BCR: variants seen among roughly 807,000 people sequenced by gnomAD.
BCR encodes the protein breakpoint cluster region protein.
A neutral mutation model predicts 138.6 loss-of-function variants in BCR; 58 were observed. The observed-to-expected ratio is 0.42, with a 90% CI of 0.34 to 0.52. BCR has a LOEUF of 0.52. Among genes scored for constraint, BCR ranks in the 20% least tolerant of loss-of-function variants. BCR has a pLI of 0.06. For synonymous variants in BCR, 786 were observed against 730.1 expected (o/e 1.08, Z -1.23); for missense variants, 1,599 against 1,727.2 (o/e 0.93, Z 1.32).
Position 23,314,642 on chromosome 22 carries a change from G to A in BCR, c.3654G>A (p.Glu1218=). Residue 1218 remains glutamate (E), a synonymous_variant, in exon 22 of 23, where the codon GAG becomes GAA. Transcript: ENST00000305877. ...CGCTGCTCCGGCCCTCCGAGAAGGAGAGCAAGCTCCCTGCCAACCCCAGCC... is the reference window on the plus strand; with the variant it reads ...CGCTGCTCCGGCCCTCCGAGAAGGAAAGCAAGCTCCCTGCCAACCCCAGCC... The part of the protein sequence containing the change: ...GPTLLRPSEK[E]SKLPANPSQP... The A allele has an allele frequency of 6.2e-7, 1 of 1,611,922 alleles. No individual in the cohort carries two copies. The highest frequency in any genetic ancestry group is 8.5e-7 in the Non-Finnish European group (1 of 1,179,848).
At chr22:23,265,849 TCA>T (rs2146281709) in intron 4 of BCR, among the ~76,000 whole-genome samples, 1 of 152,272 alleles carries the variant, frequency 6.6e-6, no homozygotes, top group South Asian at 2.1e-4. Context: ...TTCCTATAAC[TCA>T]CAGTAGAATT....
chr22:23,232,680 A>G (rs961262658), intron 1 of BCR, among the ~76,000 whole-genome samples: 1 of 152,192 alleles, frequency 6.6e-6, no homozygotes, highest in Non-Finnish European at 1.5e-5. Flanking sequence ...CAGCGAGCCT[A>G]CCTGCTGCAC....
chr22:23,289,887 C>T (rs141358067), intron 13 of BCR: 234 of 546,224 alleles, frequency 4.3e-4, no homozygotes, highest in African/African-American at 4.2e-3. Context: ...GCAGACGCTC[C>T]TCAGATGCTC....
chr22:23,294,375 C>T (rs950631677), intron 15 of BCR, among the ~76,000 whole-genome samples: 1 of 152,186 alleles, frequency 6.6e-6, no homozygotes, highest in African/African-American at 2.4e-5. Context: ...GAACCTGCAT[C>T]GACAGATCAT....
chr22:23,268,374 C>A, intron 4 of BCR, 34 bp from the exon 5 acceptor site: 2 of 1,533,472 alleles, frequency 1.3e-6, no homozygotes, highest in South Asian at 1.2e-5. Flanking sequence ...AGCAGCAGCA[C>A]CTGTCCCACT....
At chr22:23,252,011 G>C in intron 1 of BCR, among the ~76,000 whole-genome samples, 1 of 152,226 alleles carries the variant, frequency 6.6e-6, no homozygotes, top group Middle Eastern at 3.2e-3. Context: ...GGGAGGAAGG[G>C]AGTGATTATC....
rs9620233 is a variant in BCR at position 23,272,548 on chromosome 22, G to A, written c.1922-533G>A. Among the ~76,000 whole-genome samples, 255 of 152,238 alleles carry A rather than the reference G, an allele frequency of 1.7e-3. 1 individual carries two copies. The highest frequency in any genetic ancestry group is 3.5e-3 in the South Asian group (17 of 4,824). ...CAGGGAGTTGCTCCCACTGCAGTGG[G>A]GCTCATGTGCCTCTGGAGTCCGGGT... On this transcript the variant is annotated intron_variant, in intron 6 of 22. Coordinates refer to ENST00000305877, the MANE Select transcript of BCR (RefSeq NM_004327.4).
In BCR at chr22:23,238,155, C is replaced by T. The variant is rs1236323662; in HGVS notation, c.1280-15644C>T. On this transcript the variant is annotated intron_variant, in intron 1 of 22. Transcript: ENST00000305877. ...AGGCCCCTGGGCCCTCTGGTCATCC[C>T]GGTCATCCTGGTTGGTTTATTGTCT... 4.6e-5 allele frequency among the ~76,000 whole-genome samples: 7 copies of T among 152,028 alleles called. No individual in the cohort carries two copies. The South Asian group carries it at 8.3e-4, about 18-fold the overall frequency.
intron 2 of BCR, among the ~76,000 whole-genome samples, chr22:23,257,946 C>T (rs2073312584): frequency 6.6e-6 from 1 of 152,198 alleles, no homozygotes; most frequent in Admixed American, 6.5e-5. Context: ...TAATTGAGCA[C>T]CTGGGTGTTC....
chr22:23,310,749 G>A (rs1288839719), intron 18 of BCR, among the ~76,000 whole-genome samples: 1 of 152,162 alleles, frequency 6.6e-6, no homozygotes, highest in Non-Finnish European at 1.5e-5. Flanking sequence ...CCTTTGTCAC[G>A]AGTCAGTTGC....
At chr22:23,194,002 G>A (rs948464292) in intron 1 of BCR, among the ~76,000 whole-genome samples, 13 of 152,208 alleles carry the variant, frequency 8.5e-5, no homozygotes, top group African/African-American at 2.9e-4. Context: ...CCAGTTCTCT[G>A]TCCCTGAGGC....
At chr22:23,295,204 T>C (rs983320976) in intron 16 of BCR, 49 bp downstream of exon 16, 2 of 1,604,298 alleles carry the variant, frequency 1.2e-6, no homozygotes, top group African/African-American at 2.7e-5. Flanking sequence ...GGCGTCCTTT[T>C]TCATGCAGCC....
At chr22:23,214,206 GTTT>G (rs11384313) in intron 1 of BCR, among the ~76,000 whole-genome samples, 1 of 138,336 alleles carries the variant, frequency 7.2e-6, no homozygotes, top group Admixed American at 7.2e-5. Flanking sequence ...TGTTTGGTTT[GTTT>G]TTTTTTTTTT....
chr22:23,273,785 C>G lies in BCR; in HGVS notation c.2115+11C>G, dbSNP rs957771846. On this transcript the variant is annotated intron_variant, in intron 8 of 22. Coordinates refer to ENST00000305877, the MANE Select transcript of BCR (RefSeq NM_004327.4). Reference sequence around the variant, plus strand: ...GTGAAGAAGGGAGAGGTGAGTGTGGCAGGGGATGGCTTGGGTCCACCCATC... The same window carrying G: ...GTGAAGAAGGGAGAGGTGAGTGTGGGAGGGGATGGCTTGGGTCCACCCATC... The G allele has an allele frequency of 1.9e-6, 3 of 1,613,610 alleles. No individual in the cohort carries two copies. In the African/African-American group the frequency reaches 4.0e-5, roughly 22 times the overall value.
At chr22:23,270,617 T>C (rs1232213854) in intron 5 of BCR, among the ~76,000 whole-genome samples, 2 of 152,216 alleles carry the variant, frequency 1.3e-5, no homozygotes, top group Non-Finnish European at 2.9e-5. Context: ...ATGGCAGCGT[T>C]TGGCCCCAGT....
At chr22:23,195,951 A>G (rs1353197530) in intron 1 of BCR, among the ~76,000 whole-genome samples, 1 of 152,250 alleles carries the variant, frequency 6.6e-6, no homozygotes, top group Non-Finnish European at 1.5e-5. Context: ...TACAAATTTT[A>G]AAGAGAAATA....
chr22:23,240,381 G>A (rs998405963), intron 1 of BCR, among the ~76,000 whole-genome samples: 1 of 151,056 alleles, frequency 6.6e-6, no homozygotes, highest in African/African-American at 2.4e-5. Context: ...GCCGGGCGCG[G>A]TGGCTCACGC....
rs763215839 is a variant in BCR, at chr22:23,273,130, C to G, written c.1971C>G (p.Leu657=). Residue 657 remains leucine, a synonymous_variant, in exon 7 of 23, where the codon CTC becomes CTG. Coordinates refer to ENST00000305877, the MANE Select transcript of BCR (RefSeq NM_004327.4). Reference sequence around the variant, plus strand: ...GTGTGACGAGGAGCACGCTGGTCCTCCATGTAAGTCACAGCGCCCCTCTGG... The same window carrying G: ...GTGTGACGAGGAGCACGCTGGTCCTGCATGTAAGTCACAGCGCCCCTCTGG... ...VDRVTRSTLV[L]HDLLKHTPAS... 2.0e-5 allele frequency: 33 copies of G among 1,613,206 alleles called. No individual in the cohort carries two copies. The Admixed American group carries it at 5.0e-4, about 24-fold the overall frequency.
intron 1 of BCR, among the ~76,000 whole-genome samples, chr22:23,244,820 C>T (rs2073137565): frequency 6.6e-6 from 1 of 152,236 alleles, no homozygotes; most frequent in Non-Finnish European, 1.5e-5. Context: ...AGGGCTGCTG[C>T]CTCTTCCCAG....
Sources: gnomAD v4.1 joint callset for allele counts (sites outside exome capture counted in the v4.1 genomes callset) on GRCh38, gnomAD v4.1.1 for gene constraint, MANE v1.5 for transcripts, NCBI Gene and HGNC (gene_info 2026-07-23, HGNC 2026-07-21) for gene names.